The following THRAP3 variants were observed in gnomAD, a reference collection of about 807,000 sequenced individuals.
THRAP3 encodes the protein thyroid hormone receptor-associated protein 3.
Under a neutral mutation model 101.0 loss-of-function variants are expected in THRAP3, and 16 were observed. That is an observed-to-expected ratio of 0.16 (90% CI 0.11 to 0.24). The LOEUF (loss-of-function observed/expected upper bound fraction) is 0.24, where lower values mean the gene tolerates loss of function less well. Among genes scored for constraint, THRAP3 ranks in the 10% least tolerant of loss-of-function variants. THRAP3 has a pLI of 1.00. For missense variants in THRAP3, 989 were observed against 1,202.7 expected, an observed-to-expected ratio of 0.82 and a Z score of 2.63; for synonymous variants, 407 against 422.6, an observed-to-expected ratio of 0.96 and a Z score of 0.45.
At chr1:36,235,055 C>T (rs1292157965) in intron 1 of THRAP3, among the ~76,000 whole-genome samples, 1 of 152,138 alleles carries the variant, frequency 6.6e-6, no homozygotes, top group Non-Finnish European at 1.5e-5. Context: ...CTCAGGTGAT[C>T]CACCCGCCTT....
intron 2 of THRAP3, among the ~76,000 whole-genome samples, chr1:36,272,040 T>G (rs1029426196): frequency 6.6e-6 from 1 of 151,960 alleles, no homozygotes; most frequent in Non-Finnish European, 1.5e-5. Flanking sequence ...CTGGATAATT[T>G]TTTTATTTTT....
At chr1:36,214,529 A>G in the THRAP3 span, among the ~76,000 whole-genome samples, 1 of 152,104 alleles carries the variant, frequency 6.6e-6, no homozygotes, top group Non-Finnish European at 1.5e-5. Context: ...GTTTGCCCTA[A>G]TCCGTTCTCA....
intron 3 of THRAP3, among the ~76,000 whole-genome samples, chr1:36,285,610 G>C (rs1332453209): frequency 2.6e-5 from 4 of 152,148 alleles, no homozygotes; most frequent in Non-Finnish European, 5.9e-5. Context: ...CTAACTTCAT[G>C]CGTCCTTGGG....
At chr1:36,293,793 T>G (rs1645911559) in intron 7 of THRAP3, 58 bp from the exon 8 acceptor site, 1 of 1,424,070 alleles carries the variant, frequency 7.0e-7, no homozygotes, top group African/African-American at 1.4e-5. Context: ...AGCTAGAATA[T>G]TACCAGTATC....
intron 1 of THRAP3, among the ~76,000 whole-genome samples, chr1:36,249,590 C>G (rs1285667054): frequency 6.6e-6 from 1 of 152,038 alleles, no homozygotes; most frequent in East Asian, 1.9e-4. Context: ...GAATGAGATG[C>G]TCACTGACTC....
chr1:36,260,527 T>C (rs951033050), intron 2 of THRAP3, among the ~76,000 whole-genome samples: 3 of 152,096 alleles, frequency 2.0e-5, no homozygotes, highest in African/African-American at 4.8e-5. Flanking sequence ...ATGCCAACAT[T>C]AATTGTCACT....
At chr1:36,292,270 T>TTTC (rs1645884226) in intron 6 of THRAP3, among the ~76,000 whole-genome samples, 1 of 96,710 alleles carries the variant, frequency 1.0e-5, no homozygotes, top group African/African-American at 3.8e-5. Context: ...GTTTCTTTTT[T>TTTC]TTTTTTTTTT....
At chr1:36,250,157 A>G (rs1645281780) in intron 1 of THRAP3, among the ~76,000 whole-genome samples, 3 of 152,102 alleles carry the variant, frequency 2.0e-5, no homozygotes, top group Admixed American at 6.6e-5. Flanking sequence ...TCTAAAATTA[A>G]TAATTTTTTA....
At chr1:36,285,202 T>C (rs1327249137) in intron 3 of THRAP3, among the ~76,000 whole-genome samples, 1 of 152,246 alleles carries the variant, frequency 6.6e-6, no homozygotes, top group African/African-American at 2.4e-5. Context: ...CAGTCAGATA[T>C]GAGAAAGCCT....
At chr1:36,258,978 A>T (rs1645410317) in intron 1 of THRAP3, among the ~76,000 whole-genome samples, 1 of 152,236 alleles carries the variant, frequency 6.6e-6, no homozygotes, top group African/African-American at 2.4e-5. Context: ...GTAGGTACGG[A>T]GAGTTACTTT....
chr1:36,296,010 A>T (rs1227892050), intron 8 of THRAP3, among the ~76,000 whole-genome samples: 24 of 78,812 alleles, frequency 3.0e-4, no homozygotes, highest in Admixed American at 8.8e-4. Flanking sequence ...GTCTTGTTCT[A>T]TTGGCCAGGA....
chr1:36,225,028 T>C (rs1644946006), intron 1 of THRAP3: 1 of 152,282 alleles, frequency 6.6e-6, no homozygotes, highest in African/African-American at 2.4e-5. Flanking sequence ...ATTAGAGTTC[T>C]CACTTTTTTC....
intron 9 of THRAP3, among the ~76,000 whole-genome samples, chr1:36,298,146 CAAAAAAAAA>C (rs10653561): frequency 1.0e-5 from 1 of 96,002 alleles, no homozygotes; most frequent in Admixed American, 1.2e-4. Context: ...GACTTCATCT[CAAAAAAAAA>C]AAAAAAAAAA....
the THRAP3 span, among the ~76,000 whole-genome samples, chr1:36,213,231 GT>G: frequency 6.6e-6 from 1 of 152,120 alleles, no homozygotes; most frequent in Non-Finnish European, 1.5e-5. Context: ...GGAGACAGGG[GT>G]TGATAGGATC....
Position 36,244,500 on chromosome 1 carries a change from C to G in THRAP3, c.-134-14882C>G, listed in dbSNP as rs577759321. 6.0e-4 allele frequency among the ~76,000 whole-genome samples: 92 copies of G among 152,270 alleles called. 1 individual carries two copies. The highest frequency in any genetic ancestry group is 3.3e-3 in the Admixed American group (51 of 15,282). On this transcript the variant is annotated intron_variant, in intron 1 of 11. Transcript: ENST00000354618. ...ATACCTTCTTCTTAGCTTTACTATA[C>G]TTAGTGTCAAACTGATTTCTTAGAT...
At chr1:36,295,954 C>CTTTTTTTTTTTT (rs575028397) in intron 8 of THRAP3, among the ~76,000 whole-genome samples, 6 of 60,498 alleles carry the variant, frequency 9.9e-5, no homozygotes, top group Admixed American at 2.7e-4. Flanking sequence ...GCCTTCTCAA[C>CTTTTTTTTTTTT]TTTTTTTTTT....
chr1:36,275,957 T>C (rs1645654095), intron 2 of THRAP3, among the ~76,000 whole-genome samples: 1 of 152,154 alleles, frequency 6.6e-6, no homozygotes, highest in African/African-American at 2.4e-5. Flanking sequence ...AAACTGAGGC[T>C]GCAGTGAGTT....
intron 1 of THRAP3, among the ~76,000 whole-genome samples, chr1:36,259,082 G>C (rs777118414): frequency 6.6e-6 from 1 of 152,194 alleles, no homozygotes; most frequent in Admixed American, 6.5e-5. Context: ...TCACCAGGTT[G>C]AGTTTTGTGG....
the THRAP3 span, among the ~76,000 whole-genome samples, chr1:36,212,418 C>CTTTTTTTTTTT: frequency 7.4e-5 from 9 of 122,048 alleles, no homozygotes; most frequent in African/African-American, 2.0e-4. Flanking sequence ...TTCTTTCTTT[C>CTTTTTTTTTTT]TTTTTTTTTT....
Sources: gnomAD v4.1 joint callset for allele counts (sites outside exome capture counted in the v4.1 genomes callset) on GRCh38, gnomAD v4.1.1 for gene constraint, MANE v1.5 for transcripts, NCBI Gene and HGNC (gene_info 2026-07-23, HGNC 2026-07-21) for gene names.